The following CARD10 variants were observed in gnomAD, a reference collection of about 807,000 sequenced individuals.
CARD10 encodes caspase recruitment domain-containing protein 10.
In CARD10, 49 loss-of-function variants were observed where a neutral mutation model predicts 114.6. The ratio of observed to expected loss-of-function variants is 0.43; its 90% CI spans 0.34 to 0.54. CARD10 has a LOEUF of 0.54. CARD10 is among the 20% of genes least tolerant of loss of function. The pLI is 0.03. For missense variants in CARD10, 1,206 were observed against 1,397.2 expected, an observed-to-expected ratio of 0.86 and a Z score of 2.18; for synonymous variants, 602 against 593.2, an observed-to-expected ratio of 1.01 and a Z score of -0.21.
chr22:37,496,748 T>C lies in CARD10; in HGVS notation c.1948-188A>G. 1.6e-6 allele frequency: 1 copy of C among 630,740 alleles called. No homozygotes were observed. Among genetic ancestry groups the C allele is most frequent in the Non-Finnish European group, 2.7e-6 (1 of 364,930 alleles). 39.1% of individuals were successfully genotyped at this position (630,740 alleles called of 1,614,324 possible). On this transcript the variant is annotated intron_variant, in intron 12 of 19. Coordinates refer to ENST00000251973, the MANE Select transcript of CARD10 (RefSeq NM_014550.4). This position sits in a 1 kb window ranked among gnomAD's most constrained non-coding sequence, Gnocchi z 4.1. The stretch of plus-strand genomic sequence containing the variant: ...CACAGGACGCCCCCATCCACAGGAC[T>C]CCCCAACCCGCCCAGCTCATCCAGG...
chr22:37,495,852 C>G lies in CARD10; in HGVS notation c.2211G>C (p.Ser737=). 3 of 1,614,132 alleles carry G rather than the reference C, an allele frequency of 1.9e-6. No homozygotes were observed. The highest frequency in any genetic ancestry group is 1.3e-5 in the African/African-American group (1 of 75,074). Reference sequence around the variant, plus strand: ...ACCATTCCTGCCTCCGCTTGTATGCCGAGTCCACCAGTCGAAGGATCTCTT... The same window carrying G: ...ACCATTCCTGCCTCCGCTTGTATGCGGAGTCCACCAGTCGAAGGATCTCTT... The part of the protein sequence containing the change: ...KAQEILRLVD[S]AYKRRQEWFC... The change falls in exon 14 of 20, where the codon TCG becomes TCC. Residue 737 remains serine, a synonymous_variant. Coordinates refer to ENST00000251973, the MANE Select transcript of CARD10 (RefSeq NM_014550.4).
Position 37,510,357 on chromosome 22 carries a change from C to G in CARD10, c.764G>C (p.Arg255Thr), listed in dbSNP as rs1206795739. The G allele has an allele frequency of 6.2e-7, 1 of 1,613,298 alleles. No individual in the cohort carries two copies. The highest frequency in any genetic ancestry group is 8.5e-7 in the Non-Finnish European group (1 of 1,180,018). Residue 255 changes from arginine (R) to threonine (T), a missense_variant, in exon 4 of 20, where the codon AGG (arginine) becomes ACG (threonine). Physicochemically the swap from Arg to Thr is moderately conservative, Grantham distance 71. This residue lies in a region of CARD10 where 1,068 missense variants were observed against 1,179.1 expected (regional missense o/e 0.91). Transcript: ENST00000251973. Reference sequence around the variant, plus strand: ...CTCCTCTGCCCCAGGGGGCGGGCCCCTGGCCCTTCGAAGCAGTGCACACTC... The same window carrying G: ...CTCCTCTGCCCCAGGGGGCGGGCCCGTGGCCCTTCGAAGCAGTGCACACTC... ...EEECALLRRA[R>T]GPPPGAEEKE... is the part of the protein sequence containing the mutation.
At position 37,491,427 on chromosome 22, in the gene CARD10, G is replaced by A. The variant is rs778992112; in HGVS notation, c.2865-34C>T. 7.4e-5 allele frequency: 105 copies of A among 1,414,580 alleles called. 1 individual carries two copies. The East Asian group carries it at 2.6e-3, about 35-fold the overall frequency. 87.6% of individuals were successfully genotyped at this position (1,414,580 alleles called of 1,614,324 possible). On this transcript the variant is annotated intron_variant, in intron 19 of 19. Coordinates refer to ENST00000251973, the MANE Select transcript of CARD10 (RefSeq NM_014550.4). Reference sequence around the variant, plus strand: ...AGAAGAGTGAGCAGCGGTCAAAGTGGGGGACCAAGACAGACAGAGAGACAG... The same window carrying A: ...AGAAGAGTGAGCAGCGGTCAAAGTGAGGGACCAAGACAGACAGAGAGACAG...
intron 4 of CARD10, among the ~76,000 whole-genome samples, chr22:37,509,729 C>G (rs1923557880): frequency 9.7e-6 from 1 of 103,498 alleles, no homozygotes; most frequent in African/African-American, 3.0e-5. Flanking sequence ...AGGCCCAGCC[C>G]TGGTACCTGC....
At chr22:37,491,531 T>G (rs1303974658) in intron 19 of CARD10, 138 bp from the exon 20 acceptor site, 4 of 55,284 alleles carry the variant, frequency 7.2e-5, no homozygotes, top group African/African-American at 3.1e-4. Flanking sequence ...CAGATGGAGA[T>G]GGAGAGAGAG....
chr22:37,509,876 A>C (rs4999981), intron 4 of CARD10, among the ~76,000 whole-genome samples: 31 of 2,458 alleles, frequency 0.013, no homozygotes, highest in Admixed American at 0.019. Flanking sequence ...CCTCCTGACC[A>C]CCCCCCACCC....
At chr22:37,511,382 AAGAAGGAGAAGGGGGTG>A (rs1389061178) in intron 3 of CARD10, among the ~76,000 whole-genome samples, 2 of 126,092 alleles carry the variant, frequency 1.6e-5, no homozygotes, top group Non-Finnish European at 3.3e-5. Context: ...AAAAAAGAAG[AAGAAGGAGAAGGGGGTG>A]AGGAGGAGGA....
In CARD10 at chr22:37,492,365, C is replaced by G. The variant is rs1403960065; in HGVS notation, c.2751+70G>C. ...TGGCCCGCGCTCAGACGCTGGCGCT[C>G]AAGCCCAGAACAGCAGCACCCGCTC... On this transcript the variant is annotated intron_variant, in intron 18 of 19. Transcript: ENST00000251973. The surrounding 1 kb of genome is among the most constrained non-coding windows in gnomAD (Gnocchi z 5.7). The G allele has an allele frequency of 1.5e-5, 18 of 1,210,524 alleles. No homozygotes were observed. Among genetic ancestry groups the G allele is most frequent in the Admixed American group, 7.6e-5 (3 of 39,668 alleles). 75.0% of individuals were successfully genotyped at this position (1,210,524 alleles called of 1,614,324 possible). A position where few individuals can be genotyped will look rare whatever the true frequency, so the allele number is the denominator to read the frequency against.
intron 1 of CARD10, among the ~76,000 whole-genome samples, 183 bp from the exon 2 acceptor site, chr22:37,518,291 G>C (rs1447588938): frequency 6.6e-6 from 1 of 152,146 alleles, no homozygotes; most frequent in Non-Finnish European, 1.5e-5. Flanking sequence ...AGCCAGGGGA[G>C]CACATTCCCT....
intron 11 of CARD10, 171 bp from the exon 12 acceptor site, chr22:37,497,349 G>T: frequency 1.5e-6 from 1 of 664,000 alleles, no homozygotes; most frequent in Non-Finnish European, 2.5e-6. Context: ...GGGAAATGCT[G>T]ATCATCCTTC....
At position 37,510,393 on chromosome 22, in the gene CARD10, C is replaced by T. The variant is rs150759948; in HGVS notation, c.728G>A (p.Arg243Gln). ...AAGCAGTGCACACTCTTCCTCCAGC[C>T]GACTCACTTTGAGCTTGAGCTGATC... is the stretch of plus-strand genomic sequence containing the variant. ...AVDQLKLKVS[R>Q]LEEECALLRR... Residue 243 changes from arginine to glutamine, a missense_variant, in exon 4 of 20, where the codon CGG (arginine) becomes CAG (glutamine). Transcript: ENST00000251973. The T allele has an allele frequency of 6.7e-5, 108 of 1,613,594 alleles. No individual in the cohort carries two copies. Among genetic ancestry groups the T allele is most frequent in the East Asian group, 4.0e-4 (18 of 44,876 alleles).
Position 37,491,089 on chromosome 22 carries a change from G to T in CARD10, c.*70C>A. On this transcript the variant is annotated 3_prime_UTR_variant, in exon 20 of 20. Coordinates refer to ENST00000251973, the MANE Select transcript of CARD10 (RefSeq NM_014550.4). Reference sequence around the variant, plus strand: ...GGGTCTAGGAAGGCTCAGGGTGGGAGGGCCCAGCTTCACCATAGACACCAG... The same window carrying T: ...GGGTCTAGGAAGGCTCAGGGTGGGATGGCCCAGCTTCACCATAGACACCAG... The T allele has an allele frequency of 7.9e-7, 1 of 1,265,748 alleles. No homozygotes were observed. The highest frequency in any genetic ancestry group is 1.1e-6 in the Non-Finnish European group (1 of 900,476). 78.4% of individuals were successfully genotyped at this position (1,265,748 alleles called of 1,614,324 possible).
At chr22:37,500,673 G>A (rs1431113066) in intron 11 of CARD10, among the ~76,000 whole-genome samples, 1 of 152,162 alleles carries the variant, frequency 6.6e-6, no homozygotes, top group African/African-American at 2.4e-5. Flanking sequence ...AGACAGTGGG[G>A]AGGCACATCG....
Position 37,515,467 on chromosome 22 carries a change from G to A in CARD10, c.699+506C>T, listed in dbSNP as rs1330610868. Among the ~76,000 whole-genome samples, 9 of 151,478 alleles carry A rather than the reference G, an allele frequency of 5.9e-5. No homozygotes were observed. In the East Asian group the frequency reaches 1.6e-3, roughly 26 times the overall value. On this transcript the variant is annotated intron_variant, in intron 3 of 19. Coordinates refer to ENST00000251973, the MANE Select transcript of CARD10 (RefSeq NM_014550.4). ...AATCCCAGCTACCCGGGAAGCTGAG[G>A]CAGGAGAATCGCTGGAACCCGGGAG...
At chr22:37,503,719 C>G (rs1923302616) in intron 9 of CARD10, among the ~76,000 whole-genome samples, 1 of 152,178 alleles carries the variant, frequency 6.6e-6, no homozygotes, top group Non-Finnish European at 1.5e-5. Flanking sequence ...AAAGCAGTGA[C>G]AAGGATCGCG....
chr22:37,513,244 G>A (rs1923723690), intron 3 of CARD10, among the ~76,000 whole-genome samples: 2 of 151,982 alleles, frequency 1.3e-5, no homozygotes, highest in African/African-American at 4.8e-5. Context: ...CCGAGTCCCT[G>A]AGACCACAGG....
At chr22:37,502,553 C>G in intron 11 of CARD10, 49 bp downstream of exon 11, 1 of 1,589,360 alleles carries the variant, frequency 6.3e-7, no homozygotes, top group Non-Finnish European at 8.6e-7. Context: ...CTCCTGTTCC[C>G]CTCTCAAGCA....
chr22:37,518,998 G>A lies in CARD10; in HGVS notation c.203C>T (p.Thr68Ile). Residue 68 changes from threonine to isoleucine, a missense_variant, in exon 1 of 20, where the codon ACC (threonine) becomes ATC (isoleucine). Physicochemically the swap from Thr to Ile is moderately conservative, Grantham distance 89. Around this residue, in one of 2 missense-constraint regions of CARD10, gnomAD observed 138 missense variants for 218.0 expected, o/e 0.63. Transcript: ENST00000251973. ...DEQDEEEVLS[T>I]YRFPCRVNRT... is the part of the protein sequence containing the mutation. Reference sequence around the variant, plus strand: ...GTTGACGCGGCACGGGAAGCGGTAGGTGCTCAGCACCTCCTCCTCGTCCTG... The same window carrying A: ...GTTGACGCGGCACGGGAAGCGGTAGATGCTCAGCACCTCCTCCTCGTCCTG... 1 of 1,579,112 alleles carries A rather than the reference G, an allele frequency of 6.3e-7. No individual in the cohort carries two copies. Among genetic ancestry groups the A allele is most frequent in the Non-Finnish European group, 8.6e-7 (1 of 1,168,550 alleles).
In CARD10 at chr22:37,516,064, T is replaced by G; in HGVS notation, c.608A>C (p.Lys203Thr). The G allele has an allele frequency of 1.2e-6, 2 of 1,600,620 alleles. No homozygotes were observed. Among genetic ancestry groups the G allele is most frequent in the Non-Finnish European group, 1.7e-6 (2 of 1,174,180 alleles). ...EAGSLELLRL[K>T]DENYMIAMRL... ...CATGGCGATCATGTAGTTCTCATCCTTGAGCCGCAGCAGCTCCAGGCTGCC... is the reference window on the plus strand; with the variant it reads ...CATGGCGATCATGTAGTTCTCATCCGTGAGCCGCAGCAGCTCCAGGCTGCC... The change falls in exon 3 of 20, where the codon AAG becomes ACG. Residue 203 changes from lysine (K) to threonine (T), a missense_variant. This residue lies in a region of CARD10 where 1,068 missense variants were observed against 1,179.1 expected (regional missense o/e 0.91). Coordinates refer to ENST00000251973, the MANE Select transcript of CARD10 (RefSeq NM_014550.4).
Sources: gnomAD v4.1 joint callset for allele counts (sites outside exome capture counted in the v4.1 genomes callset) on GRCh38, gnomAD v4.1.1 for gene constraint, gnomAD v4.1.1 regional missense constraint, Gnocchi (gnomAD v3.1) non-coding constraint, MANE v1.5 for transcripts, NCBI Gene and HGNC (gene_info 2026-07-23, HGNC 2026-07-21) for gene names.